The following ATOSA variants were observed in gnomAD, a reference collection of about 807,000 sequenced individuals.
ATOSA encodes the protein atos homolog A.
chr15:52,617,090 G>T, the ATOSA span, among the ~76,000 whole-genome samples: 2 of 152,180 alleles, frequency 1.3e-5, no homozygotes, highest in African/African-American at 4.8e-5. Context: ...GGGCTGAATT[G>T]AAATTCATAT....
chr15:52,691,678 T>A, the ATOSA span, among the ~76,000 whole-genome samples: 2 of 151,320 alleles, frequency 1.3e-5, no homozygotes, highest in South Asian at 4.2e-4. Context: ...CTACAGAAAG[T>A]TCAAAAATTA....
chr15:52,694,675 AT>A, the ATOSA span, among the ~76,000 whole-genome samples: 2 of 152,020 alleles, frequency 1.3e-5, no homozygotes, highest in African/African-American at 2.4e-5. Context: ...TTAAAAAAAA[AT>A]ACTCATGAAA....
chr15:52,615,484 C>G, the ATOSA span, among the ~76,000 whole-genome samples: 1 of 152,086 alleles, frequency 6.6e-6, no homozygotes, highest in African/African-American at 2.4e-5. Flanking sequence ...GCACATAGTT[C>G]CTAGTTTTGA....
chr15:52,609,853 T>A, the ATOSA span: 1 of 1,613,766 alleles, frequency 6.2e-7, no homozygotes, highest in Non-Finnish European at 8.5e-7. Flanking sequence ...ACCAGCTGAC[T>A]GCCAGAAACT....
At chr15:52,636,857 G>C in the ATOSA span, among the ~76,000 whole-genome samples, 1 of 152,182 alleles carries the variant, frequency 6.6e-6, no homozygotes, top group Non-Finnish European at 1.5e-5. Flanking sequence ...TTAATAAAGA[G>C]GGAGTAACAG....
the ATOSA span, among the ~76,000 whole-genome samples, chr15:52,602,688 C>T: frequency 1.3e-5 from 2 of 152,166 alleles, no homozygotes; most frequent in African/African-American, 2.4e-5. Context: ...TCAGGTGCTT[C>T]TTTTTCTCCC....
chr15:52,675,720 T>A, the ATOSA span, among the ~76,000 whole-genome samples: 1 of 151,984 alleles, frequency 6.6e-6, no homozygotes, highest in African/African-American at 2.4e-5. Flanking sequence ...TATCCTGGCT[T>A]ACACGGTGAA....
chr15:52,601,211 A>AT, the ATOSA span: 1 of 1,250,260 alleles, frequency 8.0e-7, no homozygotes, highest in Non-Finnish European at 1.1e-6. Flanking sequence ...AAAACTGTTA[A>AT]TTTTTTTCTT....
At chr15:52,584,891 A>C in the ATOSA span, 13 of 1,613,316 alleles carry the variant, frequency 8.1e-6, no homozygotes, top group Non-Finnish European at 1.1e-5. Flanking sequence ...TATCTCGTAA[A>C]TCATATATCA....
At chr15:52,607,954 C>G in the ATOSA span, among the ~76,000 whole-genome samples, 1 of 152,192 alleles carries the variant, frequency 6.6e-6, no homozygotes, top group South Asian at 2.1e-4. Context: ...AATCATAGTT[C>G]ACTGCAACCT....
At chr15:52,588,378 A>G in the ATOSA span, among the ~76,000 whole-genome samples, 5 of 152,336 alleles carry the variant, frequency 3.3e-5, no homozygotes, top group African/African-American at 1.2e-4. Flanking sequence ...CTCAATAACC[A>G]GGATGATCAA....
the ATOSA span, among the ~76,000 whole-genome samples, chr15:52,687,260 C>T: frequency 1.3e-5 from 2 of 152,160 alleles, no homozygotes; most frequent in Non-Finnish European, 2.9e-5. Flanking sequence ...AAAAAATTCT[C>T]CGGTCGTGTT....
chr15:52,633,082 G>T, the ATOSA span, among the ~76,000 whole-genome samples: 4 of 152,204 alleles, frequency 2.6e-5, no homozygotes, highest in African/African-American at 4.8e-5. Context: ...AAATGGGAAT[G>T]ATATGTATTA....
chr15:52,689,387 G>C, the ATOSA span, among the ~76,000 whole-genome samples: 2 of 152,112 alleles, frequency 1.3e-5, no homozygotes. Flanking sequence ...TTGGCAACAT[G>C]ACTGGGTATT....
At chr15:52,668,921 T>C in the ATOSA span, among the ~76,000 whole-genome samples, 1 of 151,752 alleles carries the variant, frequency 6.6e-6, no homozygotes, top group African/African-American at 2.4e-5. Flanking sequence ...TTTTTTTTTT[T>C]TTGAGACGGA....
At chr15:52,648,137 TTATTA>T in the ATOSA span, among the ~76,000 whole-genome samples, 1 of 152,178 alleles carries the variant, frequency 6.6e-6, no homozygotes, top group Non-Finnish European at 1.5e-5. Context: ...ATCTCACATT[TTATTA>T]TAATAGCTAA....
At chr15:52,685,975 C>G in the ATOSA span, among the ~76,000 whole-genome samples, 1 of 152,032 alleles carries the variant, frequency 6.6e-6, no homozygotes, top group Non-Finnish European at 1.5e-5. Flanking sequence ...AAGTGATCTT[C>G]CCACCTCAGC....
chr15:52,651,369 G>A, the ATOSA span, among the ~76,000 whole-genome samples: 2 of 152,076 alleles, frequency 1.3e-5, no homozygotes, highest in African/African-American at 2.4e-5. Context: ...AAAAGATTTT[G>A]GCACACCAAT....
At chr15:52,624,780 AT>A in the ATOSA span, among the ~76,000 whole-genome samples, 67 of 141,964 alleles carry the variant, frequency 4.7e-4, no homozygotes, top group Middle Eastern at 3.5e-3. Context: ...GTACCTGCTT[AT>A]TTTTTTTTTT....
Sources: allele counts gnomAD v4.1 joint callset (sites outside exome capture counted in the v4.1 genomes callset), GRCh38; gene constraint gnomAD v4.1.1; transcripts MANE v1.5; gene names NCBI Gene and HGNC (gene_info 2026-07-23, HGNC 2026-07-21).